The following KIF5C variants were observed in gnomAD, a reference collection of about 807,000 sequenced individuals.
The protein encoded by KIF5C is kinesin heavy chain isoform 5C.
Under a neutral mutation model 125.2 loss-of-function variants are expected in KIF5C, and 18 were observed. The ratio of observed to expected loss-of-function variants is 0.14; its 90% CI spans 0.10 to 0.21. The LOEUF (loss-of-function observed/expected upper bound fraction) is 0.21. Among genes scored for constraint, KIF5C ranks in the 10% least tolerant of loss-of-function variants. The pLI is 1.00. For synonymous variants in KIF5C, 405 were observed against 434.0 expected, an observed-to-expected ratio of 0.93 and a Z score of 0.83; for missense variants, 780 against 1,183.8, an observed-to-expected ratio of 0.66 and a Z score of 5.01.
At chr2:148,942,063 T>C in intron 6 of KIF5C, 73 bp downstream of exon 6, 1 of 1,535,780 alleles carries the variant, frequency 6.5e-7, no homozygotes, top group Non-Finnish European at 8.9e-7. Context: ...TTACATAAGA[T>C]GTGCAGAATA....
Position 148,998,455 on chromosome 2 carries a change from C to T in KIF5C, c.2156C>T (p.Ser719Phe). Residue 719 changes from serine to phenylalanine, a missense_variant, in exon 19 of 26, where the codon TCC becomes TTC. By Grantham distance (155) the Ser-to-Phe change is radical (BLOSUM62 -2). Around this residue, in one of 2 missense-constraint regions of KIF5C, gnomAD observed 573 missense variants for 742.6 expected, o/e 0.77. Transcript: ENST00000435030. ...CGGGAAGCTCACCAGAAGCAGCTGT[C>T]CAGACTCCGAGACGAAATTGAGGAG... Reference protein sequence around the residue: ...SHREAHQKQLSRLRDEIEEKQ... With the variant: ...SHREAHQKQLFRLRDEIEEKQ... The T allele has an allele frequency of 6.4e-7, 1 of 1,566,628 alleles. No homozygotes were observed. The highest frequency in any genetic ancestry group is 8.7e-7 in the Non-Finnish European group (1 of 1,155,634).
At chr2:148,909,551 T>A (rs1231197022) in intron 1 of KIF5C, among the ~76,000 whole-genome samples, 1 of 152,212 alleles carries the variant, frequency 6.6e-6, no homozygotes, top group African/African-American at 2.4e-5. Flanking sequence ...TCTCAGTCAA[T>A]ATCTGTTGAA....
At chr2:148,997,411 A>G (rs1167729084) in intron 18 of KIF5C, 71 bp downstream of exon 18, 1 of 1,606,198 alleles carries the variant, frequency 6.2e-7, no homozygotes, top group Non-Finnish European at 8.5e-7. Flanking sequence ...TGCTTGTTCT[A>G]GGAAAATCTG....
chr2:148,918,664 GAAAA>G (rs1681657336), intron 1 of KIF5C, among the ~76,000 whole-genome samples: 1 of 152,210 alleles, frequency 6.6e-6, no homozygotes, highest in African/African-American at 2.4e-5. Flanking sequence ...ATCATACAGA[GAAAA>G]GTCCGTGGGG....
intron 1 of KIF5C, among the ~76,000 whole-genome samples, chr2:148,882,137 C>G (rs549258383): frequency 6.6e-6 from 1 of 152,262 alleles, no homozygotes; most frequent in Non-Finnish European, 1.5e-5. Flanking sequence ...ATTTTAGATT[C>G]ACCGTGGCGT....
intron 7 of KIF5C, among the ~76,000 whole-genome samples, chr2:148,946,213 G>C (rs1214262475): frequency 6.6e-6 from 1 of 152,104 alleles, no homozygotes; most frequent in East Asian, 1.9e-4. Flanking sequence ...TGAATCTTTA[G>C]GGCTTTTTAC....
chr2:148,958,742 G>A (rs147038583), intron 10 of KIF5C, among the ~76,000 whole-genome samples: 2 of 152,258 alleles, frequency 1.3e-5, no homozygotes, highest in East Asian at 1.9e-4. Context: ...AGCACTTTGG[G>A]AGGTTGAGGT....
chr2:149,007,825 A>C, intron 22 of KIF5C, 138 bp from the exon 23 acceptor site: 1 of 1,039,846 alleles, frequency 9.6e-7, no homozygotes, highest in Middle Eastern at 3.5e-4. Context: ...TCTTGAGTCT[A>C]AACTTTTAGA....
intron 2 of KIF5C, 132 bp from the exon 3 acceptor site, chr2:148,929,149 T>A: frequency 1.7e-6 from 1 of 576,018 alleles, no homozygotes; most frequent in South Asian, 2.3e-5. Flanking sequence ...AAAATTCACA[T>A]GGAGTTGAAA....
At position 148,912,920 on chromosome 2, in the gene KIF5C, A is replaced by G. The variant is rs537472142; in HGVS notation, c.127-9217A>G. On this transcript the variant is annotated intron_variant, in intron 1 of 25. Transcript: ENST00000435030. Reference sequence around the variant, plus strand: ...ATGGTCCATCTAGATGTAGTTGACTATTAAAGACCTATTTGGAGTTTGCAT... The same window carrying G: ...ATGGTCCATCTAGATGTAGTTGACTGTTAAAGACCTATTTGGAGTTTGCAT... Among the ~76,000 whole-genome samples, 3 of 152,342 alleles carry G rather than the reference A, an allele frequency of 2.0e-5. No individual in the cohort carries two copies. In the East Asian group the frequency reaches 5.8e-4, roughly 29 times the overall value.
intron 10 of KIF5C, among the ~76,000 whole-genome samples, chr2:148,958,013 T>A (rs1682839401): frequency 6.6e-6 from 1 of 152,206 alleles, no homozygotes. Context: ...GTGAACTTCA[T>A]CTACATTGTT....
chr2:148,932,384 A>C (rs1682201410), intron 3 of KIF5C, among the ~76,000 whole-genome samples: 1 of 152,198 alleles, frequency 6.6e-6, no homozygotes, highest in Non-Finnish European at 1.5e-5. Flanking sequence ...ACAAGCCTAC[A>C]TAAAATTGGA....
At chr2:148,942,526 G>A in intron 6 of KIF5C, 147 bp from the exon 7 acceptor site, 2 of 1,365,090 alleles carry the variant, frequency 1.5e-6, no homozygotes, top group Admixed American at 4.4e-5. Context: ...TCAAGCCCTG[G>A]GCAAGGAGGA....
At chr2:148,878,244 T>G (rs1426359823) in intron 1 of KIF5C, 1 of 152,130 alleles carries the variant, frequency 6.6e-6, no homozygotes, top group Non-Finnish European at 1.5e-5. Flanking sequence ...AGTCCCTAAA[T>G]CCCCCTGCTT....
At chr2:148,884,159 C>A (rs1681449644) in intron 1 of KIF5C, 1 of 152,150 alleles carries the variant, frequency 6.6e-6, no homozygotes, top group South Asian at 2.1e-4. Flanking sequence ...TTAATGTAAA[C>A]CATAGGATTT....
At chr2:148,999,668 G>T (rs1043454870) in intron 19 of KIF5C, among the ~76,000 whole-genome samples, 20 of 152,232 alleles carry the variant, frequency 1.3e-4, no homozygotes, top group African/African-American at 4.6e-4. Flanking sequence ...CTGGAAGGGA[G>T]GGGGAGGTTG....
intron 7 of KIF5C, among the ~76,000 whole-genome samples, chr2:148,946,446 T>C (rs1574775360): frequency 1.3e-5 from 2 of 152,370 alleles, no homozygotes; most frequent in African/African-American, 4.8e-5. Flanking sequence ...AAAGTCTTAA[T>C]CCTTGCTTAA....
intron 10 of KIF5C, among the ~76,000 whole-genome samples, chr2:148,961,038 T>C (rs910866856): frequency 1.3e-5 from 2 of 152,158 alleles, no homozygotes; most frequent in Non-Finnish European, 2.9e-5. Context: ...GTTGCCCCTT[T>C]GGGTTACTCT....
chr2:148,943,696 A>G (rs1682460431), intron 7 of KIF5C, among the ~76,000 whole-genome samples: 1 of 152,150 alleles, frequency 6.6e-6, no homozygotes. Context: ...GCTGCCTGCT[A>G]CCTAGAGAGG....
Sources: allele counts gnomAD v4.1 joint callset (sites outside exome capture counted in the v4.1 genomes callset), GRCh38; gene constraint gnomAD v4.1.1; regional missense constraint gnomAD v4.1.1; transcripts MANE v1.5; gene names NCBI Gene and HGNC (gene_info 2026-07-23, HGNC 2026-07-21).